NEMP2: variants seen among roughly 807,000 people sequenced by gnomAD.
NEMP2 encodes the protein UPF0571 transmembrane protein.
Under a neutral mutation model 54.2 loss-of-function variants are expected in NEMP2, and 53 were observed. The observed-to-expected ratio is 0.98, with a 90% confidence interval of 0.78 to 1.23. NEMP2 has a LOEUF of 1.23. Ranked by LOEUF, NEMP2 falls within the 50% of genes most tolerant of loss-of-function variation. The pLI is 0.00. For missense variants in NEMP2, 455 were observed against 511.3 expected (o/e 0.89, Z 1.06); for synonymous variants, 197 against 190.3 (o/e 1.04, Z -0.29).
At chr2:190,534,281 T>A (rs1691274733) in intron 1 of NEMP2, 4 of 1,159,244 alleles carry the variant, frequency 3.5e-6, no homozygotes, top group South Asian at 4.2e-5. Flanking sequence ...GAGTTTCGGT[T>A]GCTTCTGTAA....
chr2:190,532,176 TCTTA>T (rs1428858458), intron 1 of NEMP2, among the ~76,000 whole-genome samples: 3 of 152,214 alleles, frequency 2.0e-5, no homozygotes, highest in Non-Finnish European at 4.4e-5. Context: ...TCAGGATTTT[TCTTA>T]CTATTTGTTT....
chr2:190,519,009 A>T lies in NEMP2; in HGVS notation c.388T>A (p.Phe130Ile), dbSNP rs1352775371. The change falls in exon 3 of 9, where the codon TTC becomes ATC. Residue 130 changes from phenylalanine (F) to isoleucine (I), a missense_variant. Transcript: ENST00000409150. The surrounding 1 kb of genome is among the most constrained non-coding windows in gnomAD (Gnocchi z 5.4). ...IINPYRETVC[F>I]SVEPVKKIFN... is the part of the protein sequence containing the mutation. ...ATCTTCTTGACAGGCTCCACAGAGAAGCACACAGTCTCCCTGTATGGATTG... is the reference window on the plus strand; with the variant it reads ...ATCTTCTTGACAGGCTCCACAGAGATGCACACAGTCTCCCTGTATGGATTG... 2 of 1,551,442 alleles carry T rather than the reference A, an allele frequency of 1.3e-6. No individual in the cohort carries two copies. The highest frequency in any genetic ancestry group is 4.9e-5 in the East Asian group (2 of 40,908).
chr2:190,557,240 T>A, the NEMP2 span, among the ~76,000 whole-genome samples: 2 of 152,230 alleles, frequency 1.3e-5, no homozygotes, highest in African/African-American at 4.8e-5. Context: ...ATTCCCTATT[T>A]AATAAATGGT....
chr2:190,510,247 T>C lies in NEMP2; in HGVS notation c.1130+114A>G. 1 of 1,265,346 alleles carries C rather than the reference T, an allele frequency of 7.9e-7. No individual in the cohort carries two copies. Among genetic ancestry groups the C allele is most frequent in the South Asian group, 1.5e-5 (1 of 66,734 alleles). 78.4% of individuals were successfully genotyped at this position (1,265,346 alleles called of 1,614,324 possible). A position where few individuals can be genotyped will look rare whatever the true frequency, so the allele number is the denominator to read the frequency against. ...GACCTCTGACAACTTCCACATCATCTGTTATCCAGGGAAACAGTCTATTTC... is the reference window on the plus strand; with the variant it reads ...GACCTCTGACAACTTCCACATCATCCGTTATCCAGGGAAACAGTCTATTTC... On this transcript the variant is annotated intron_variant, in intron 8 of 8. Coordinates refer to ENST00000409150, the MANE Select transcript of NEMP2 (RefSeq NM_001142645.2). The surrounding 1 kb of genome is among the most constrained non-coding windows in gnomAD (Gnocchi z 5.7).
At chr2:190,586,910 A>T in the NEMP2 span, among the ~76,000 whole-genome samples, 837 of 152,284 alleles carry the variant, frequency 5.5e-3, 5 homozygotes, top group Non-Finnish European at 8.0e-3. This position sits in a 1 kb window ranked among gnomAD's most constrained non-coding sequence, Gnocchi z 4.5. Context: ...GTCCCTCCTG[A>T]GGTAGAAATT....
chr2:190,589,669 C>T, the NEMP2 span, among the ~76,000 whole-genome samples: 1 of 152,138 alleles, frequency 6.6e-6, no homozygotes, highest in Non-Finnish European at 1.5e-5. This position sits in a 1 kb window ranked among gnomAD's most constrained non-coding sequence, Gnocchi z 4.3. Flanking sequence ...TGTGGCTGTT[C>T]AACCTCAGTG....
At chr2:190,500,956 AAGCGATTATTTC>A (rs1689995085), downstream of NEMP2, 1 of 152,232 alleles carries the variant, frequency 6.6e-6, no homozygotes, top group Non-Finnish European at 1.5e-5. The surrounding 1 kb of genome is among the most constrained non-coding windows in gnomAD (Gnocchi z 5.3). Flanking sequence ...AAACAGAAAC[AAGCGATTATTTC>A]AAATCAACCA....
chr2:190,465,320 C>G, the NEMP2 span, among the ~76,000 whole-genome samples: 15 of 152,086 alleles, frequency 9.9e-5, 1 homozygote, highest in Admixed American at 9.8e-4. The surrounding 1 kb of genome is among the most constrained non-coding windows in gnomAD (Gnocchi z 4.6). Flanking sequence ...TGTTTCTTGT[C>G]TATTTTTATT....
the NEMP2 span, among the ~76,000 whole-genome samples, chr2:190,592,386 T>C: frequency 6.6e-6 from 1 of 152,144 alleles, no homozygotes; most frequent in East Asian, 1.9e-4. This position sits in a 1 kb window ranked among gnomAD's most constrained non-coding sequence, Gnocchi z 4.4. Context: ...TGTAGAAAAG[T>C]CAAGTCATCT....
the NEMP2 span, among the ~76,000 whole-genome samples, chr2:190,571,860 T>C: frequency 6.6e-6 from 1 of 152,252 alleles, no homozygotes; most frequent in East Asian, 1.9e-4. Flanking sequence ...CTCCCTGCCC[T>C]CCACACACAC....
At chr2:190,430,248 C>T in the NEMP2 span, among the ~76,000 whole-genome samples, 7 of 143,452 alleles carry the variant, frequency 4.9e-5, no homozygotes, top group South Asian at 2.2e-4. Context: ...GGGTGTTTCT[C>T]GCAGAGGGGG....
At chr2:190,592,255 G>T in the NEMP2 span, among the ~76,000 whole-genome samples, 1 of 152,078 alleles carries the variant, frequency 6.6e-6, no homozygotes, top group Admixed American at 6.6e-5. This position sits in a 1 kb window ranked among gnomAD's most constrained non-coding sequence, Gnocchi z 4.4. Flanking sequence ...CCGTTGAAAT[G>T]GTATCACCTC....
chr2:190,594,523 C>CATTA, the NEMP2 span, among the ~76,000 whole-genome samples: 10 of 152,176 alleles, frequency 6.6e-5, no homozygotes, highest in African/African-American at 2.4e-4. This position sits in a 1 kb window ranked among gnomAD's most constrained non-coding sequence, Gnocchi z 5.6. Flanking sequence ...ATCTAACAGC[C>CATTA]ATTAGCACAG....
the NEMP2 span, among the ~76,000 whole-genome samples, chr2:190,612,038 C>T: frequency 6.6e-6 from 1 of 152,020 alleles, no homozygotes; most frequent in Admixed American, 6.6e-5. Flanking sequence ...TAATCACCTT[C>T]AAACTGTACA....
the NEMP2 span, among the ~76,000 whole-genome samples, chr2:190,556,122 A>C: frequency 2.0e-5 from 3 of 152,222 alleles, no homozygotes; most frequent in Admixed American, 6.5e-5. Context: ...CAAGAAGCTT[A>C]TGCACCATGA....
the NEMP2 span, among the ~76,000 whole-genome samples, chr2:190,433,648 G>A: frequency 5.9e-5 from 9 of 152,120 alleles, no homozygotes; most frequent in Admixed American, 5.2e-4. This position sits in a 1 kb window ranked among gnomAD's most constrained non-coding sequence, Gnocchi z 4.5. Flanking sequence ...CTAAAAAACC[G>A]ACATGAACAT....
the NEMP2 span, among the ~76,000 whole-genome samples, chr2:190,454,721 T>C: frequency 1.1e-4 from 16 of 152,036 alleles, no homozygotes; most frequent in African/African-American, 3.9e-4. The surrounding 1 kb of genome is among the most constrained non-coding windows in gnomAD (Gnocchi z 4.6). Context: ...TTATGGCATA[T>C]TGTCATGGCA....
chr2:190,498,005 A>G, the NEMP2 span: 1 of 264,424 alleles, frequency 3.8e-6, no homozygotes, highest in Non-Finnish European at 7.2e-6. This position sits in a 1 kb window ranked among gnomAD's most constrained non-coding sequence, Gnocchi z 5.9. Flanking sequence ...CTTTCATTGT[A>G]TATTTGTTTT....
the NEMP2 span, among the ~76,000 whole-genome samples, chr2:190,605,841 T>G: frequency 1.3e-5 from 2 of 152,246 alleles, no homozygotes; most frequent in Non-Finnish European, 2.9e-5. Context: ...TCACAGCTCT[T>G]AACACATACC....
Sources: gnomAD v4.1 joint callset for allele counts (sites outside exome capture counted in the v4.1 genomes callset) on GRCh38, gnomAD v4.1.1 for gene constraint, Gnocchi (gnomAD v3.1) non-coding constraint, MANE v1.5 for transcripts, NCBI Gene and HGNC (gene_info 2026-07-23, HGNC 2026-07-21) for gene names.